The following PKNOX2 variants were observed in gnomAD, a reference collection of about 807,000 sequenced individuals.
The protein encoded by PKNOX2 is PBX/knotted 1 homeobox 2.
PKNOX2 carries 14 observed loss-of-function variants against 53.1 expected under a neutral mutation model. The observed-to-expected ratio is 0.26, with a 90% CI of 0.17 to 0.41. The LOEUF (loss-of-function observed/expected upper bound fraction) is 0.41, where lower values mean the gene tolerates loss of function less well. Among genes scored for constraint, PKNOX2 ranks in the 10% least tolerant of loss-of-function variants. The pLI is 1.00. For missense variants in PKNOX2, 496 were observed against 602.8 expected, an observed-to-expected ratio of 0.82 and a Z score of 1.85; for synonymous variants, 257 against 242.8, an observed-to-expected ratio of 1.06 and a Z score of -0.54.
At chr11:125,304,020 G>A (rs574894462) in intron 2 of PKNOX2, among the ~76,000 whole-genome samples, 16 of 152,340 alleles carry the variant, frequency 1.1e-4, no homozygotes, top group Admixed American at 2.6e-4. Flanking sequence ...CTTTAGGAAT[G>A]CAGGGATGTT....
chr11:125,219,581 A>C lies in PKNOX2; in HGVS notation c.-200-15464A>C, dbSNP rs550857097. Among the ~76,000 whole-genome samples the C allele has an allele frequency of 3.3e-4, 50 of 152,374 alleles. No homozygotes were observed. In the South Asian group the frequency reaches 3.3e-3, roughly 10 times the overall value. ...CAACAACAAAAACACAACCCAGTAG[A>C]AAAAATAATGGGCAAAGAATATGAA... On this transcript the variant is annotated intron_variant, in intron 1 of 12. Coordinates refer to ENST00000298282, the MANE Select transcript of PKNOX2 (RefSeq NM_001382323.2).
intron 2 of PKNOX2, among the ~76,000 whole-genome samples, chr11:125,289,247 AAGG>A (rs934193457): frequency 6.6e-6 from 1 of 152,168 alleles, no homozygotes; most frequent in Non-Finnish European, 1.5e-5. Context: ...AAATGGGGAG[AAGG>A]AGATGAGCCT....
intron 2 of PKNOX2, among the ~76,000 whole-genome samples, chr11:125,307,821 C>T (rs1591521417): frequency 6.6e-6 from 1 of 152,334 alleles, no homozygotes; most frequent in South Asian, 2.1e-4. Context: ...GAAACCCTTT[C>T]TACCCTCAAG....
chr11:125,234,422 G>T lies in PKNOX2; in HGVS notation c.-200-623G>T, dbSNP rs144475003. 4.8e-3 allele frequency among the ~76,000 whole-genome samples: 728 copies of T among 152,292 alleles called. 13 individuals carry two copies. Among genetic ancestry groups the T allele is most frequent in the African/African-American group, 0.017 (706 of 41,568 alleles). On this transcript the variant is annotated intron_variant, in intron 1 of 12. Transcript: ENST00000298282. Reference sequence around the variant, plus strand: ...ACAAAATTGTATTATCTCAGAAAGAGAATTAAAAGCAGGCAGATTTTTTTA... The same window carrying T: ...ACAAAATTGTATTATCTCAGAAAGATAATTAAAAGCAGGCAGATTTTTTTA...
At chr11:125,295,049 G>A (rs1470916624) in intron 2 of PKNOX2, among the ~76,000 whole-genome samples, 1 of 152,162 alleles carries the variant, frequency 6.6e-6, no homozygotes, top group Non-Finnish European at 1.5e-5. Flanking sequence ...GCCTTCTGGA[G>A]GGCTGGCCAG....
At chr11:125,194,049 C>A (rs931269509) in intron 1 of PKNOX2, among the ~76,000 whole-genome samples, 1 of 152,168 alleles carries the variant, frequency 6.6e-6, no homozygotes, top group African/African-American at 2.4e-5. Context: ...GGCAGGGCCC[C>A]GTAGGAGGGG....
At chr11:125,405,123 C>T (rs1368022461) in intron 7 of PKNOX2, among the ~76,000 whole-genome samples, 1 of 151,802 alleles carries the variant, frequency 6.6e-6, no homozygotes, top group Non-Finnish European at 1.5e-5. Flanking sequence ...CACCGACTCA[C>T]CGTCACCCAC....
chr11:125,385,410 T>C (rs2135378907), intron 5 of PKNOX2, 141 bp from the exon 6 acceptor site: 2 of 927,434 alleles, frequency 2.2e-6, no homozygotes, highest in Non-Finnish European at 3.1e-6. Context: ...AGATTGACCA[T>C]AGGGACTGGG....
rs1176708034 is a variant in PKNOX2 at position 125,178,549 on chromosome 11, AGAAGGAAGGAAGGAACGAAGGAAG to A, written c.-201+13789_-201+13812del. 4.4e-4 allele frequency among the ~76,000 whole-genome samples: 57 copies of A among 128,156 alleles called. 1 individual carries two copies. Among genetic ancestry groups the A allele is most frequent in the African/African-American group, 2.0e-3 (54 of 26,594 alleles). 84.1% of individuals were successfully genotyped at this position (128,156 alleles called of 152,430 possible). Reference sequence around the variant, plus strand: ...AAGAAAGAAAGAAAGGGAGAGAGAGAGAAGGAAGGAAGGAACGAAGGAAGGAAGGAAGGAAGGAAGGAAGGAAGG... The same window carrying A: ...AAGAAAGAAAGAAAGGGAGAGAGAGAGAAGGAAGGAAGGAAGGAAGGAAGG... On this transcript the variant is annotated intron_variant, in intron 1 of 12. Coordinates refer to ENST00000298282, the MANE Select transcript of PKNOX2 (RefSeq NM_001382323.2).
chr11:125,179,175 C>T (rs766249119), intron 1 of PKNOX2, among the ~76,000 whole-genome samples: 3 of 152,110 alleles, frequency 2.0e-5, no homozygotes, highest in Admixed American at 6.5e-5. Flanking sequence ...ATTAGGTATC[C>T]TGAGCATGTG....
In PKNOX2 at chr11:125,410,864, C is replaced by T; in HGVS notation, c.804C>T (p.Ile268=). Residue 268 remains isoleucine, a synonymous_variant, in exon 9 of 13, where the codon ATC becomes ATT. Coordinates refer to ENST00000298282, the MANE Select transcript of PKNOX2 (RefSeq NM_001382323.2). ...CAATCCCCCAGGGAGCCATCCAGAT[C>T]CAGAACACACAGGTGAGTGTGTGTA... ...TQAIPQGAIQ[I]QNTQVNLDLT... 1.9e-6 allele frequency: 3 copies of T among 1,613,770 alleles called. No homozygotes were observed. Among genetic ancestry groups the T allele is most frequent in the Non-Finnish European group, 1.7e-6 (2 of 1,179,710 alleles).
intron 5 of PKNOX2, among the ~76,000 whole-genome samples, chr11:125,373,029 T>A (rs1952638001): frequency 6.6e-6 from 1 of 152,250 alleles, no homozygotes; most frequent in Admixed American, 6.5e-5. Flanking sequence ...GATCACTCCC[T>A]TGAGACTATC....
At chr11:125,428,688 A>T (rs895911488) in intron 10 of PKNOX2, among the ~76,000 whole-genome samples, 11 of 152,174 alleles carry the variant, frequency 7.2e-5, no homozygotes, top group African/African-American at 2.7e-4. Context: ...TGGGGGCGGC[A>T]GTGAGGATCA....
At chr11:125,394,311 A>G (rs1050408596) in intron 6 of PKNOX2, among the ~76,000 whole-genome samples, 1 of 152,108 alleles carries the variant, frequency 6.6e-6, no homozygotes, top group Admixed American at 6.5e-5. Context: ...TAAAGTCACA[A>G]TTTTCCTCTT....
At chr11:125,260,792 A>G (rs182065919) in intron 2 of PKNOX2, among the ~76,000 whole-genome samples, 140 of 152,232 alleles carry the variant, frequency 9.2e-4, no homozygotes, top group African/African-American at 3.2e-3. Flanking sequence ...GGACAACTTT[A>G]TGTTTTCCTG....
chr11:125,314,123 T>G (rs1432625429), intron 2 of PKNOX2, among the ~76,000 whole-genome samples: 3 of 152,178 alleles, frequency 2.0e-5, no homozygotes, highest in African/African-American at 7.2e-5. Flanking sequence ...CCTGTGGGTA[T>G]GCAGAGGAGA....
intron 3 of PKNOX2, chr11:125,332,697 C>T (rs532755418): frequency 6.6e-6 from 1 of 152,248 alleles, no homozygotes; most frequent in East Asian, 1.9e-4. Flanking sequence ...TTGTAAGTTT[C>T]CCTGATGTCT....
intron 2 of PKNOX2, among the ~76,000 whole-genome samples, chr11:125,241,507 A>G (rs1943143164): frequency 6.6e-6 from 1 of 152,134 alleles, no homozygotes; most frequent in African/African-American, 2.4e-5. Context: ...TTCTTCTTTC[A>G]ATCCCAATAC....
In PKNOX2 at chr11:125,379,048, T is replaced by C. The variant is rs528593723; in HGVS notation, c.228-6503T>C. 1.1e-4 allele frequency among the ~76,000 whole-genome samples: 15 copies of C among 138,910 alleles called. 1 individual carries two copies. Among genetic ancestry groups the C allele is most frequent in the Admixed American group, 5.6e-4 (7 of 12,532 alleles). The allele number at this position is 138,910 out of a possible 152,430, so 91.1% of individuals were successfully genotyped here. A position where few individuals can be genotyped will look rare whatever the true frequency, so the allele number is the denominator to read the frequency against. Reference sequence around the variant, plus strand: ...AAAAAGGATCCAACTACCTTTTTTTTCTTTCTCTTTTTTTTTTTTTTTTAT... The same window carrying C: ...AAAAAGGATCCAACTACCTTTTTTTCCTTTCTCTTTTTTTTTTTTTTTTAT... On this transcript the variant is annotated intron_variant, in intron 5 of 12. Coordinates refer to ENST00000298282, the MANE Select transcript of PKNOX2 (RefSeq NM_001382323.2).
Sources: gnomAD v4.1 joint callset for allele counts (sites outside exome capture counted in the v4.1 genomes callset) on GRCh38, gnomAD v4.1.1 for gene constraint, MANE v1.5 for transcripts, NCBI Gene and HGNC (gene_info 2026-07-23, HGNC 2026-07-21) for gene names.